The following DNAJC1 variants were observed in gnomAD, a reference collection of about 807,000 sequenced individuals.
The protein encoded by DNAJC1 is dnaJ homolog subfamily C member 1.
In DNAJC1, 58 loss-of-function variants were observed where a neutral mutation model predicts 76.6. The observed-to-expected ratio is 0.76, with a 90% CI of 0.61 to 0.94. The LOEUF is 0.94. Among genes scored for constraint, DNAJC1 ranks in the 40% least tolerant of loss-of-function variants. The pLI is 0.00. For missense variants in DNAJC1, 689 were observed against 677.3 expected (o/e 1.02, Z -0.19); for synonymous variants, 258 against 267.9 (o/e 0.96, Z 0.36).
chr10:21,766,608 A>AT (rs1260793901), intron 9 of DNAJC1, among the ~76,000 whole-genome samples: 1 of 151,930 alleles, frequency 6.6e-6, no homozygotes, highest in East Asian at 1.9e-4. Flanking sequence ...GCCTCTTTTC[A>AT]TTTTTATTTT....
At chr10:21,873,950 GA>G (rs1427271297) in intron 8 of DNAJC1, among the ~76,000 whole-genome samples, 1 of 152,210 alleles carries the variant, frequency 6.6e-6, no homozygotes, top group Non-Finnish European at 1.5e-5. Context: ...TATGAATTAA[GA>G]TGTTAATTGT....
chr10:21,816,405 A>G (rs1835075832), intron 8 of DNAJC1, among the ~76,000 whole-genome samples: 1 of 151,282 alleles, frequency 6.6e-6, no homozygotes, highest in Non-Finnish European at 1.5e-5. Flanking sequence ...CCTTGACACT[A>G]CTGTCAAAAA....
intron 1 of DNAJC1, among the ~76,000 whole-genome samples, chr10:21,942,325 C>G (rs1357649074): frequency 6.6e-6 from 1 of 152,120 alleles, no homozygotes; most frequent in Non-Finnish European, 1.5e-5. Context: ...ACTCCAAATT[C>G]ATTCACATAA....
At chr10:21,766,353 T>C (rs745603710) in intron 9 of DNAJC1, 44 bp from the exon 10 acceptor site, 14 of 1,451,234 alleles carry the variant, frequency 9.6e-6, no homozygotes, top group Non-Finnish European at 1.4e-5. Context: ...TCCATGTACC[T>C]ACTATATGCT....
chr10:21,853,101 C>A (rs1180146092), intron 8 of DNAJC1, among the ~76,000 whole-genome samples: 1 of 152,210 alleles, frequency 6.6e-6, no homozygotes, highest in African/African-American at 2.4e-5. Flanking sequence ...AGATTCCCTA[C>A]TACATAAAAT....
intron 9 of DNAJC1, among the ~76,000 whole-genome samples, chr10:21,781,840 T>C (rs1169516771): frequency 6.6e-6 from 1 of 152,000 alleles, no homozygotes; most frequent in Non-Finnish European, 1.5e-5. Context: ...AGTATGTTCT[T>C]TGAAACCAAT....
At chr10:21,913,094 T>C (rs915699858) in intron 6 of DNAJC1, among the ~76,000 whole-genome samples, 3 of 151,886 alleles carry the variant, frequency 2.0e-5, no homozygotes, top group Non-Finnish European at 2.9e-5. Flanking sequence ...GGGGTGGGGA[T>C]ATGCATGCTG....
chr10:21,994,831 T>C (rs1838389238), intron 1 of DNAJC1, among the ~76,000 whole-genome samples: 2 of 151,540 alleles, frequency 1.3e-5, no homozygotes, highest in African/African-American at 4.8e-5. Flanking sequence ...GTCTATTTCC[T>C]ACTACATATA....
chr10:21,764,349 T>C (rs1337686771), intron 10 of DNAJC1, among the ~76,000 whole-genome samples: 3 of 152,212 alleles, frequency 2.0e-5, no homozygotes, highest in Non-Finnish European at 2.9e-5. Flanking sequence ...ATAACAACAA[T>C]TGGTAGGTTA....
At chr10:21,785,382 T>C (rs1484264465) in intron 9 of DNAJC1, 3 of 152,214 alleles carry the variant, frequency 2.0e-5, no homozygotes, top group South Asian at 2.1e-4. Flanking sequence ...CTCGTTCCTC[T>C]CTCTCAACTA....
intron 6 of DNAJC1, among the ~76,000 whole-genome samples, chr10:21,914,076 C>G (rs948597380): frequency 4.6e-5 from 7 of 152,166 alleles, no homozygotes; most frequent in Non-Finnish European, 7.4e-5. Flanking sequence ...CCTGTAATTT[C>G]TCACTTGACT....
intron 8 of DNAJC1, among the ~76,000 whole-genome samples, chr10:21,821,378 T>C (rs779591314): frequency 1.9e-4 from 29 of 152,368 alleles, no homozygotes; most frequent in Non-Finnish European, 3.5e-4. Context: ...CATTATATTA[T>C]GATGGCTTCT....
At chr10:21,932,572 T>G (rs532108629) in intron 1 of DNAJC1, among the ~76,000 whole-genome samples, 1 of 152,338 alleles carries the variant, frequency 6.6e-6, no homozygotes, top group East Asian at 1.9e-4. Flanking sequence ...TGATTCTCAC[T>G]AAGTGTCTTA....
chr10:21,982,108 T>G (rs1838168004), intron 1 of DNAJC1, among the ~76,000 whole-genome samples: 1 of 152,222 alleles, frequency 6.6e-6, no homozygotes, highest in Admixed American at 6.5e-5. Context: ...ACTTTCCATG[T>G]TGTATTCAGA....
chr10:21,855,803 C>T (rs555737379), intron 8 of DNAJC1, among the ~76,000 whole-genome samples: 325 of 151,972 alleles, frequency 2.1e-3, no homozygotes, highest in Non-Finnish European at 3.5e-3. Flanking sequence ...CCACCCTGCC[C>T]GCCTTTTTTT....
At chr10:21,987,796 G>C (rs192811752) in intron 1 of DNAJC1, among the ~76,000 whole-genome samples, 7 of 152,206 alleles carry the variant, frequency 4.6e-5, no homozygotes, top group Admixed American at 3.9e-4. Context: ...ATATATGTTA[G>C]TAATATTAGC....
rs190348109 is a variant in DNAJC1 at position 21,936,384 on chromosome 10, T to C, written c.223-7243A>G. The stretch of plus-strand genomic sequence containing the variant: ...GCACAGACTAAAACAGGTAACTACA[T>C]AGATAAATATAAAAGTCATTATTAA... On this transcript the variant is annotated intron_variant, in intron 1 of 11. Transcript: ENST00000376980. Among the ~76,000 whole-genome samples, 193 of 152,280 alleles carry C rather than the reference T, an allele frequency of 1.3e-3. 1 individual carries two copies. Among genetic ancestry groups the C allele is most frequent in the Non-Finnish European group, 2.6e-3 (177 of 68,022 alleles).
intron 5 of DNAJC1, 71 bp from the exon 6 acceptor site, chr10:21,918,943 T>G (rs1836997143): frequency 2.9e-6 from 3 of 1,046,658 alleles, no homozygotes; most frequent in Admixed American, 1.9e-5. Context: ...GGAGGCAAAA[T>G]AATTCTATAA....
intron 9 of DNAJC1, among the ~76,000 whole-genome samples, chr10:21,782,157 TAAA>T (rs1309926407): frequency 2.6e-5 from 4 of 151,616 alleles, no homozygotes; most frequent in Admixed American, 2.0e-4. Context: ...GCAAGACTAA[TAAA>T]GAAGAAAAGA....
Sources: allele counts gnomAD v4.1 joint callset (sites outside exome capture counted in the v4.1 genomes callset), GRCh38; gene constraint gnomAD v4.1.1; transcripts MANE v1.5; gene names NCBI Gene and HGNC (gene_info 2026-07-23, HGNC 2026-07-21).